PRR16: variants seen among roughly 807,000 people sequenced by gnomAD.
The protein encoded by PRR16 is protein Largen.
PRR16 carries 6 observed loss-of-function variants against 18.2 expected under a neutral mutation model. That is an observed-to-expected ratio of 0.33 (90% CI 0.18 to 0.65). PRR16 has a LOEUF of 0.65. Ranked by LOEUF, PRR16 falls within the 30% of genes least tolerant of loss-of-function variation. The pLI is 0.74. For synonymous variants in PRR16, 151 were observed against 147.8 expected (o/e 1.02, Z -0.16); for missense variants, 412 against 376.6 (o/e 1.09, Z -0.78).
intron 1 of PRR16, among the ~76,000 whole-genome samples, chr5:120,466,113 T>G (rs1418609887): frequency 2.0e-5 from 3 of 152,194 alleles, no homozygotes; most frequent in Non-Finnish European, 4.4e-5. Flanking sequence ...GCTGTTAGTA[T>G]ACATAGATTC....
chr5:120,780,713 T>C, the PRR16 span, among the ~76,000 whole-genome samples: 1 of 152,280 alleles, frequency 6.6e-6, no homozygotes, highest in African/African-American at 2.4e-5. Flanking sequence ...ATTATCAGTA[T>C]GTTAAAAAGT....
chr5:120,706,835 G>A, the PRR16 span, among the ~76,000 whole-genome samples: 5 of 152,150 alleles, frequency 3.3e-5, no homozygotes, highest in Non-Finnish European at 5.9e-5. Flanking sequence ...GGCTGTTTTT[G>A]CCACTGCTCT....
At chr5:120,701,578 A>G in the PRR16 span, among the ~76,000 whole-genome samples, 1 of 152,116 alleles carries the variant, frequency 6.6e-6, no homozygotes, top group Admixed American at 6.5e-5. Flanking sequence ...GGAGGTGATA[A>G]AAAGATTATA....
chr5:120,588,382 T>C (rs531654510), intron 1 of PRR16, among the ~76,000 whole-genome samples: 1 of 152,250 alleles, frequency 6.6e-6, no homozygotes, highest in South Asian at 2.1e-4. Context: ...AAGAGTCCAT[T>C]CACGTGGCAA....
At chr5:120,534,461 A>G (rs1477421517) in intron 1 of PRR16, among the ~76,000 whole-genome samples, 1 of 152,206 alleles carries the variant, frequency 6.6e-6, no homozygotes, top group Admixed American at 6.5e-5. Context: ...CTTAAGTCTA[A>G]CAACTGTTTT....
the PRR16 span, among the ~76,000 whole-genome samples, chr5:120,736,611 T>C: frequency 6.6e-6 from 1 of 151,002 alleles, no homozygotes; most frequent in Non-Finnish European, 1.5e-5. Context: ...TAGAGTTTTT[T>C]TCTATTTCTG....
At chr5:120,769,783 A>C in the PRR16 span, among the ~76,000 whole-genome samples, 1 of 151,932 alleles carries the variant, frequency 6.6e-6, no homozygotes, top group Non-Finnish European at 1.5e-5. Context: ...AGGAGACTTC[A>C]TACTCTTTTC....
chr5:120,759,002 G>A, the PRR16 span, among the ~76,000 whole-genome samples: 1 of 123,640 alleles, frequency 8.1e-6, no homozygotes, highest in African/African-American at 3.0e-5. Context: ...TTGAGACGGA[G>A]TCTTGCTTCT....
intron 1 of PRR16, among the ~76,000 whole-genome samples, chr5:120,629,714 C>A (rs1228415591): frequency 6.6e-6 from 1 of 150,852 alleles, no homozygotes; most frequent in Admixed American, 6.6e-5. Flanking sequence ...TTAGTTCTTT[C>A]AGTTAAGATC....
At chr5:120,549,659 G>A (rs1752190573) in intron 1 of PRR16, among the ~76,000 whole-genome samples, 1 of 151,970 alleles carries the variant, frequency 6.6e-6, no homozygotes, top group Admixed American at 6.6e-5. Flanking sequence ...CTTGGCTAAA[G>A]TAGATAGGGT....
At chr5:120,476,654 G>A (rs1749451960) in intron 1 of PRR16, among the ~76,000 whole-genome samples, 1 of 151,962 alleles carries the variant, frequency 6.6e-6, no homozygotes, top group African/African-American at 2.4e-5. Flanking sequence ...AGAACATCAT[G>A]AACAATCCTC....
At chr5:120,518,291 C>G (rs1292242396) in intron 1 of PRR16, among the ~76,000 whole-genome samples, 2 of 151,982 alleles carry the variant, frequency 1.3e-5, no homozygotes, top group Non-Finnish European at 2.9e-5. Flanking sequence ...CAATAATTTC[C>G]TAATCTTCAA....
At position 120,542,618 on chromosome 5, in the gene PRR16, A is replaced by G. The variant is rs999697473; in HGVS notation, c.159+77973A>G. On this transcript the variant is annotated intron_variant, in intron 1 of 1. Coordinates refer to ENST00000407149, the MANE Select transcript of PRR16 (RefSeq NM_001300783.2). The stretch of plus-strand genomic sequence containing the variant: ...CAACATAAAAACAAAAACAGACAAA[A>G]AATGAGATAGAGATTAACCAAAAGA... Among the ~76,000 whole-genome samples, 4 of 152,206 alleles carry G rather than the reference A, an allele frequency of 2.6e-5. No individual in the cohort carries two copies. The South Asian group carries it at 6.2e-4, about 24-fold the overall frequency.
intron 1 of PRR16, among the ~76,000 whole-genome samples, chr5:120,565,249 T>G (rs1405999337): frequency 2.0e-5 from 3 of 152,170 alleles, no homozygotes; most frequent in Admixed American, 2.0e-4. Context: ...TTGATACTTG[T>G]GCTAAAATCC....
chr5:120,599,479 C>T (rs1753913181), intron 1 of PRR16, among the ~76,000 whole-genome samples: 1 of 151,962 alleles, frequency 6.6e-6, no homozygotes, highest in South Asian at 2.1e-4. Context: ...TTTAACCTCT[C>T]ATTTGTTTAA....
intron 1 of PRR16, among the ~76,000 whole-genome samples, chr5:120,599,484 G>A (rs1753913367): frequency 1.3e-5 from 2 of 151,714 alleles, no homozygotes; most frequent in African/African-American, 2.4e-5. Context: ...CCTCTCATTT[G>A]TTTAAAAATT....
At chr5:120,737,087 A>C in the PRR16 span, among the ~76,000 whole-genome samples, 1 of 152,134 alleles carries the variant, frequency 6.6e-6, no homozygotes, top group Non-Finnish European at 1.5e-5. Flanking sequence ...CTTCCTTTAC[A>C]ATTTGGATTC....
At chr5:120,636,194 C>T (rs1209859752) in intron 1 of PRR16, among the ~76,000 whole-genome samples, 1 of 151,886 alleles carries the variant, frequency 6.6e-6, no homozygotes, top group Non-Finnish European at 1.5e-5. Context: ...TGAAAATGAC[C>T]ATACTGCCAA....
intron 1 of PRR16, among the ~76,000 whole-genome samples, chr5:120,654,693 C>T (rs1395187917): frequency 6.6e-6 from 1 of 151,462 alleles, no homozygotes; most frequent in African/African-American, 2.4e-5. Flanking sequence ...ATACTACATC[C>T]CTTAAAAAGA....
Sources: gnomAD v4.1 joint callset for allele counts (sites outside exome capture counted in the v4.1 genomes callset) on GRCh38, gnomAD v4.1.1 for gene constraint, MANE v1.5 for transcripts, NCBI Gene and HGNC (gene_info 2026-07-23, HGNC 2026-07-21) for gene names.